SLC25A13: variants seen among roughly 807,000 people sequenced by gnomAD.
SLC25A13 encodes solute carrier family 25 member 13.
SLC25A13 carries 70 observed loss-of-function variants against 85.5 expected under a neutral mutation model. The observed-to-expected ratio is 0.82, with a 90% CI of 0.68 to 1.00. SLC25A13 has a LOEUF of 1.00. SLC25A13 is among the 50% of genes least tolerant of loss of function. The pLI is 0.00. For synonymous variants in SLC25A13, 259 were observed against 288.7 expected (o/e 0.90, Z 1.04); for missense variants, 765 against 819.8 (o/e 0.93, Z 0.82).
intron 14 of SLC25A13, among the ~76,000 whole-genome samples, chr7:96,136,614 T>C (rs1370529142): frequency 6.6e-6 from 1 of 152,174 alleles, no homozygotes; most frequent in East Asian, 1.9e-4. Context: ...AAACCAGTCC[T>C]GAAGGATGGT....
At chr7:96,169,934 T>C in intron 13 of SLC25A13, 111 bp downstream of exon 13, 1 of 1,101,544 alleles carries the variant, frequency 9.1e-7, no homozygotes, top group Non-Finnish European at 1.4e-6. Context: ...ACTCTGCCCT[T>C]GTGCAGGATC....
intron 2 of SLC25A13, among the ~76,000 whole-genome samples, chr7:96,279,436 G>A (rs1303278829): frequency 6.6e-6 from 1 of 152,152 alleles, no homozygotes; most frequent in African/African-American, 2.4e-5. Flanking sequence ...ATGGCTGGGA[G>A]GCCTCACAAT....
intron 13 of SLC25A13, among the ~76,000 whole-genome samples, chr7:96,163,645 G>C (rs567941019): frequency 3.3e-5 from 5 of 152,158 alleles, no homozygotes; most frequent in Non-Finnish European, 7.4e-5. Context: ...TTGGAACTGG[G>C]ATTGGCATGC....
chr7:96,310,480 C>A (rs1442153581), intron 1 of SLC25A13, among the ~76,000 whole-genome samples: 1 of 152,180 alleles, frequency 6.6e-6, no homozygotes, highest in Admixed American at 6.5e-5. Context: ...CTAGTTTATC[C>A]CATTTGCTGA....
At chr7:96,316,852 T>C (rs1460411333) in intron 1 of SLC25A13, among the ~76,000 whole-genome samples, 1 of 152,200 alleles carries the variant, frequency 6.6e-6, no homozygotes, top group Non-Finnish European at 1.5e-5. Context: ...TACTTTATTC[T>C]CCACCACACT....
intron 3 of SLC25A13, among the ~76,000 whole-genome samples, chr7:96,253,776 C>T (rs1452923196): frequency 6.6e-6 from 1 of 152,140 alleles, no homozygotes; most frequent in Non-Finnish European, 1.5e-5. Flanking sequence ...TTGTCCATTG[C>T]TCTTTGACAA....
intron 3 of SLC25A13, among the ~76,000 whole-genome samples, chr7:96,263,852 A>G (rs150432486): frequency 6.5e-4 from 98 of 151,286 alleles, no homozygotes; most frequent in Non-Finnish European, 5.6e-4. Context: ...ATTACCAAAA[A>G]CTCCTTTTTC....
chr7:96,244,521 C>A (rs1300383323), intron 3 of SLC25A13, among the ~76,000 whole-genome samples: 1 of 152,236 alleles, frequency 6.6e-6, no homozygotes, highest in Non-Finnish European at 1.5e-5. Context: ...CTTTGCCTAA[C>A]TGGCTGAATG....
intron 3 of SLC25A13, among the ~76,000 whole-genome samples, chr7:96,241,556 A>C (rs1796999419): frequency 6.6e-6 from 1 of 152,192 alleles, no homozygotes; most frequent in African/African-American, 2.4e-5. Context: ...AAAAATGGAC[A>C]ATAATATTTT....
intron 14 of SLC25A13, among the ~76,000 whole-genome samples, chr7:96,145,283 G>A (rs1347054143): frequency 6.6e-6 from 1 of 152,158 alleles, no homozygotes; most frequent in Non-Finnish European, 1.5e-5. Context: ...AGATCATGGA[G>A]TACTCTTTCC....
chr7:96,122,311 A>G (rs533601157), intron 15 of SLC25A13, among the ~76,000 whole-genome samples: 2 of 152,358 alleles, frequency 1.3e-5, no homozygotes, highest in Non-Finnish European at 2.9e-5. Flanking sequence ...GTGGTTGAGA[A>G]TAAGTGGAGA....
intron 14 of SLC25A13, among the ~76,000 whole-genome samples, chr7:96,141,299 AG>A (rs2116464729): frequency 6.6e-6 from 1 of 152,258 alleles, no homozygotes; most frequent in Admixed American, 6.5e-5. Flanking sequence ...CTGAGATTAC[AG>A]ACGTAAGGCA....
At position 96,277,341 on chromosome 7, in the gene SLC25A13, G is replaced by A. The variant is rs528985255; in HGVS notation, c.70-3C>T. On this transcript the variant is annotated splice_region_variant and splice_polypyrimidine_tract_variant and intron_variant, in intron 2 of 17. Coordinates refer to ENST00000265631, the MANE Select transcript of SLC25A13 (RefSeq NM_014251.3). ...CCGTTTTTCTCAATGCTTGCATACTGTTTAAAAAAAAGAAAAACAGTATTT... is the reference window on the plus strand; with the variant it reads ...CCGTTTTTCTCAATGCTTGCATACTATTTAAAAAAAAGAAAAACAGTATTT... 1.9e-6 allele frequency: 3 copies of A among 1,609,284 alleles called. No individual in the cohort carries two copies. Among genetic ancestry groups the A allele is most frequent in the South Asian group, 2.2e-5 (2 of 90,532 alleles).
intron 1 of SLC25A13, among the ~76,000 whole-genome samples, chr7:96,310,005 C>T (rs1204460652): frequency 6.6e-6 from 1 of 152,154 alleles, no homozygotes; most frequent in Non-Finnish European, 1.5e-5. Context: ...CATGAAGACA[C>T]CCATCTACAA....
At chr7:96,205,712 T>C (rs1401089052) in intron 5 of SLC25A13, among the ~76,000 whole-genome samples, 1 of 152,170 alleles carries the variant, frequency 6.6e-6, no homozygotes, top group East Asian at 1.9e-4. Context: ...CAAGTTTAGC[T>C]CAAATAATAT....
At chr7:96,245,801 T>A (rs965279783) in intron 3 of SLC25A13, among the ~76,000 whole-genome samples, 1 of 152,004 alleles carries the variant, frequency 6.6e-6, no homozygotes, top group African/African-American at 2.4e-5. Context: ...AGAAAGACCA[T>A]TGAGGAAAAA....
chr7:96,149,170 G>A (rs1299511379), intron 13 of SLC25A13, among the ~76,000 whole-genome samples: 1 of 152,190 alleles, frequency 6.6e-6, no homozygotes, highest in African/African-American at 2.4e-5. Context: ...ACCATCTCTA[G>A]AATCTCTGTC....
intron 11 of SLC25A13, among the ~76,000 whole-genome samples, chr7:96,177,113 A>G (rs138782592): frequency 2.4e-3 from 360 of 152,318 alleles, no homozygotes; most frequent in African/African-American, 8.1e-3. Flanking sequence ...TATCTTTTCA[A>G]TACATAGCCT....
intron 3 of SLC25A13, among the ~76,000 whole-genome samples, chr7:96,274,429 T>C (rs533684268): frequency 3.3e-5 from 5 of 152,340 alleles, no homozygotes; most frequent in African/African-American, 4.8e-5. Flanking sequence ...GATGAGTAGA[T>C]TGAAAAAATT....
Sources: gnomAD v4.1 joint callset for allele counts (sites outside exome capture counted in the v4.1 genomes callset) on GRCh38, gnomAD v4.1.1 for gene constraint, MANE v1.5 for transcripts, NCBI Gene and HGNC (gene_info 2026-07-23, HGNC 2026-07-21) for gene names.